The following ESRRG variants were observed in gnomAD, a reference collection of about 807,000 sequenced individuals.
ESRRG encodes the protein estrogen-related receptor gamma.
A neutral mutation model predicts 44.0 loss-of-function variants in ESRRG; 13 were observed. The observed-to-expected ratio is 0.30, with a 90% CI of 0.19 to 0.47. The LOEUF (loss-of-function observed/expected upper bound fraction) is 0.47, where lower values mean the gene tolerates loss of function less well. ESRRG is among the 20% of genes least tolerant of loss of function. The pLI is 1.00. For synonymous variants in ESRRG, 215 were observed against 214.6 expected (o/e 1.00, Z -0.02); for missense variants, 395 against 580.6 (o/e 0.68, Z 3.29).
chr1:216,696,189 G>A (rs1202855178), intron 1 of ESRRG, among the ~76,000 whole-genome samples: 1 of 152,170 alleles, frequency 6.6e-6, no homozygotes, highest in African/African-American at 2.4e-5. Context: ...TGTAAGATGA[G>A]TGTTATCTCC....
At chr1:216,872,371 T>C (rs543947376) in intron 2 of ESRRG, among the ~76,000 whole-genome samples, 1 of 152,320 alleles carries the variant, frequency 6.6e-6, no homozygotes, top group Admixed American at 6.5e-5. Flanking sequence ...CCATTATTTC[T>C]TCAAGTGTGT....
Position 216,744,484 on chromosome 1 carries a change from GCACACA to G in ESRRG, c.-13-66999_-13-66994del, listed in dbSNP as rs57621941. 1.4e-3 allele frequency among the ~76,000 whole-genome samples: 212 copies of G among 149,082 alleles called. 1 individual carries two copies. The highest frequency in any genetic ancestry group is 4.5e-3 in the Admixed American group (67 of 14,920). On this transcript the variant is annotated intron_variant, in intron 2 of 7. Coordinates refer to the ESRRG transcript ENST00000359162. Reference sequence around the variant, plus strand: ...CACTTGAATATGTGCACACAGACATGCACACACACACACACACACACACACACCTCT... The same window carrying G: ...CACTTGAATATGTGCACACAGACATGCACACACACACACACACACACCTCT...
At chr1:216,926,412 G>GAAA (rs35546963) in intron 2 of ESRRG, among the ~76,000 whole-genome samples, 1 of 127,890 alleles carries the variant, frequency 7.8e-6, no homozygotes. Context: ...TAACACCTAT[G>GAAA]AAAAAAAAAA....
intron 2 of ESRRG, among the ~76,000 whole-genome samples, chr1:216,869,477 A>G (rs756401473): frequency 3.9e-5 from 6 of 152,154 alleles, no homozygotes; most frequent in Admixed American, 3.3e-4. Context: ...AAAATCAGAA[A>G]GTATGATTCC....
chr1:216,971,815 AT>A (rs2071735870), intron 1 of ESRRG, among the ~76,000 whole-genome samples: 1 of 152,212 alleles, frequency 6.6e-6, no homozygotes, highest in South Asian at 2.1e-4. Context: ...ACTAAACTGT[AT>A]TTGGTAGACA....
intron 2 of ESRRG, among the ~76,000 whole-genome samples, chr1:216,816,702 T>A (rs1003656735): frequency 6.6e-6 from 1 of 152,220 alleles, no homozygotes; most frequent in Non-Finnish European, 1.5e-5. Flanking sequence ...AGAGATGCTT[T>A]GTATCCACTA....
At chr1:216,683,983 T>C (rs748268549) in intron 1 of ESRRG, among the ~76,000 whole-genome samples, 2 of 152,104 alleles carry the variant, frequency 1.3e-5, no homozygotes, top group Non-Finnish European at 2.9e-5. Flanking sequence ...TCTTGCAAAA[T>C]ATAAGGGATT....
chr1:216,910,935 A>G (rs781441408), intron 2 of ESRRG, among the ~76,000 whole-genome samples: 1 of 152,224 alleles, frequency 6.6e-6, no homozygotes, highest in African/African-American at 2.4e-5. Context: ...TCTACACTTC[A>G]ACATAAACGT....
chr1:217,107,675 C>T (rs1218712950), intron 1 of ESRRG, among the ~76,000 whole-genome samples: 1 of 152,124 alleles, frequency 6.6e-6, no homozygotes, highest in Non-Finnish European at 1.5e-5. Context: ...AAACTTAATG[C>T]TGAAATGTAT....
intron 1 of ESRRG, among the ~76,000 whole-genome samples, chr1:217,070,460 C>G (rs12077936): frequency 1.3e-5 from 2 of 151,912 alleles, no homozygotes; most frequent in Non-Finnish European, 2.9e-5. Flanking sequence ...TGGCTCACTG[C>G]AACCTATGCT....
At chr1:216,813,242 C>T (rs576516542) in intron 2 of ESRRG, among the ~76,000 whole-genome samples, 1 of 152,254 alleles carries the variant, frequency 6.6e-6, no homozygotes, top group East Asian at 1.9e-4. Flanking sequence ...CATAACCTTG[C>T]CAAGCCTGGT....
intron 1 of ESRRG, among the ~76,000 whole-genome samples, chr1:217,086,837 T>G (rs956739624): frequency 2.0e-5 from 3 of 152,210 alleles, no homozygotes; most frequent in Non-Finnish European, 4.4e-5. Context: ...TTGAAACCAA[T>G]TTCATAGATC....
At chr1:217,075,493 A>G (rs1236853849) in intron 1 of ESRRG, among the ~76,000 whole-genome samples, 1 of 152,016 alleles carries the variant, frequency 6.6e-6, no homozygotes, top group East Asian at 1.9e-4. Context: ...TTGGAGAATC[A>G]AGGTGAGGAA....
In ESRRG at chr1:216,525,777, G is replaced by A. The variant is rs975880212; in HGVS notation, c.863-6356C>T. Among the ~76,000 whole-genome samples the A allele has an allele frequency of 2.6e-5, 4 of 152,166 alleles. No individual in the cohort carries two copies. In the South Asian group the frequency reaches 8.3e-4, roughly 31 times the overall value. ...CCACACTTCTGATTTGAAAGAAAAA[G>A]GATCTATGCTTGAATCTGACTTGCT... is the stretch of plus-strand genomic sequence containing the variant. On this transcript the variant is annotated intron_variant, in intron 5 of 6. Transcript: ENST00000408911.
chr1:216,802,798 C>G (rs2813667), intron 2 of ESRRG, among the ~76,000 whole-genome samples: 123,035 of 152,104 alleles, frequency 0.81, 50,386 homozygotes, highest in Non-Finnish European at 0.88. Context: ...ACTTAATTCA[C>G]TTAATTTTCT....
chr1:217,084,357 A>T (rs187409410), intron 1 of ESRRG, among the ~76,000 whole-genome samples: 72 of 152,300 alleles, frequency 4.7e-4, no homozygotes, highest in Admixed American at 4.6e-3. Flanking sequence ...AGTATTTTAC[A>T]TATATGGAAA....
chr1:216,551,537 A>G (rs1055448014), intron 5 of ESRRG, among the ~76,000 whole-genome samples: 1 of 152,196 alleles, frequency 6.6e-6, no homozygotes, highest in Non-Finnish European at 1.5e-5. Context: ...ACTATAAAAA[A>G]TTGCCTTGGA....
chr1:217,058,030 A>T (rs781584320), intron 1 of ESRRG, among the ~76,000 whole-genome samples: 21 of 152,268 alleles, frequency 1.4e-4, no homozygotes, highest in Non-Finnish European at 1.9e-4. Context: ...AAGAGAAGAA[A>T]TACTAATAAC....
intron 2 of ESRRG, among the ~76,000 whole-genome samples, chr1:216,776,989 C>T (rs898206316): frequency 6.6e-6 from 1 of 152,084 alleles, no homozygotes; most frequent in Admixed American, 6.6e-5. Context: ...AGGTTGGACT[C>T]CACACCTAGT....
Sources: allele counts gnomAD v4.1 joint callset (sites outside exome capture counted in the v4.1 genomes callset), GRCh38; gene constraint gnomAD v4.1.1; transcripts MANE v1.5; gene names NCBI Gene and HGNC (gene_info 2026-07-23, HGNC 2026-07-21).